The following TNIP3 variants were observed in gnomAD, a reference collection of about 807,000 sequenced individuals.
The protein encoded by TNIP3 is TNFAIP3 interacting protein 3, also known as TNFAIP3-interacting protein 3.
Under a neutral mutation model 54.1 loss-of-function variants are expected in TNIP3, and 34 were observed. The ratio of observed to expected loss-of-function variants is 0.63; its 90% CI spans 0.48 to 0.84. The LOEUF is 0.84. Among genes scored for constraint, TNIP3 ranks in the 40% least tolerant of loss-of-function variants. The probability of loss-of-function intolerance (pLI) is 0.00; values close to 1 mark genes in which losing one functional copy is unlikely to be tolerated. For missense variants in TNIP3, 366 were observed against 387.6 expected (o/e 0.94, Z 0.47); for synonymous variants, 134 against 136.8 (o/e 0.98, Z 0.14).
At chr4:121,220,887 AG>A (rs762740095), upstream of TNIP3, among the ~76,000 whole-genome samples, 3 of 152,282 alleles carry the variant, frequency 2.0e-5, no homozygotes, top group East Asian at 5.8e-4. Flanking sequence ...CGTTCAGTCA[AG>A]AGTGGGAAAA....
intron 3 of TNIP3, among the ~76,000 whole-genome samples, chr4:121,174,824 G>T (rs1253722782): frequency 6.6e-6 from 1 of 152,166 alleles, no homozygotes. Context: ...CATCTAGAAG[G>T]TGGACATGAG....
At chr4:121,192,707 A>G (rs1560683245) in intron 2 of TNIP3, 1 of 152,146 alleles carries the variant, frequency 6.6e-6, no homozygotes, top group Non-Finnish European at 1.5e-5. Flanking sequence ...AGTTCCGGAG[A>G]AGGGGTATGG....
chr4:121,218,329 A>G (rs1299176942), upstream of TNIP3, among the ~76,000 whole-genome samples: 1 of 152,180 alleles, frequency 6.6e-6, no homozygotes, highest in East Asian at 1.9e-4. Flanking sequence ...CTGGAAACAG[A>G]CAAGATGGAA....
Position 121,182,565 on chromosome 4 carries a change from G to C in TNIP3, c.189+111C>G, listed in dbSNP as rs975917987. On this transcript the variant is annotated intron_variant, in intron 3 of 12. Transcript: ENST00000507879. ...TCAGTTTATCCTCTCAGCTGACAAG[G>C]AAGTACATGACTGACGGTAAATGAC... 5 of 1,248,544 alleles carry C rather than the reference G, an allele frequency of 4.0e-6. No homozygotes were observed. In the African/African-American group the frequency reaches 6.0e-5, roughly 15 times the overall value. The allele number at this position is 1,248,544 out of a possible 1,614,324, so 77.3% of individuals were successfully genotyped here. A position where few individuals can be genotyped will look rare whatever the true frequency, so the allele number is the denominator to read the frequency against.
At chr4:121,143,731 A>G (rs1729261667) in intron 7 of TNIP3, among the ~76,000 whole-genome samples, 1 of 152,196 alleles carries the variant, frequency 6.6e-6, no homozygotes, top group South Asian at 2.1e-4. Context: ...ACTTTGTTTC[A>G]TGTGTGTTTC....
At chr4:121,157,439 C>A (rs190319321) in intron 3 of TNIP3, among the ~76,000 whole-genome samples, 196 bp from the exon 4 acceptor site, 1 of 152,130 alleles carries the variant, frequency 6.6e-6, no homozygotes, top group African/African-American at 2.4e-5. Flanking sequence ...TGCACCAAAA[C>A]AGCCTTCTTT....
chr4:121,197,853 G>T (rs1295962168), intron 2 of TNIP3, among the ~76,000 whole-genome samples: 1 of 152,166 alleles, frequency 6.6e-6, no homozygotes, highest in Non-Finnish European at 1.5e-5. Context: ...CCTTATCAGT[G>T]AGCAATGGAA....
At chr4:121,190,373 A>G (rs1286622606) in intron 2 of TNIP3, among the ~76,000 whole-genome samples, 2 of 152,182 alleles carry the variant, frequency 1.3e-5, no homozygotes, top group African/African-American at 2.4e-5. Context: ...AGAGCCTCAC[A>G]TACTTATTAA....
At chr4:121,183,071 C>A (rs185759725) in intron 2 of TNIP3, among the ~76,000 whole-genome samples, 195 of 152,296 alleles carry the variant, frequency 1.3e-3, no homozygotes, top group African/African-American at 4.5e-3. Context: ...CGAACACTCA[C>A]GGTGAGCCAG....
chr4:121,162,578 C>A (rs1057493684), intron 1 of TNIP3, among the ~76,000 whole-genome samples: 2 of 152,178 alleles, frequency 1.3e-5, no homozygotes, highest in Admixed American at 1.3e-4. Context: ...TATTAAGCAT[C>A]TTTGATCTGG....
At chr4:121,182,604 C>T (rs965107232) in intron 3 of TNIP3, 1 of 1,504,126 alleles carries the variant, frequency 6.6e-7, no homozygotes. Context: ...GGGACTGTCT[C>T]CACAAATTCT....
upstream of TNIP3, among the ~76,000 whole-genome samples, chr4:121,164,507 A>T (rs1246563770): frequency 2.6e-5 from 4 of 152,224 alleles, no homozygotes; most frequent in African/African-American, 9.6e-5. Flanking sequence ...TCTCCACCAC[A>T]GAAAGCCTGG....
intron 2 of TNIP3, among the ~76,000 whole-genome samples, chr4:121,203,029 A>T (rs1196387445): frequency 6.6e-6 from 1 of 152,156 alleles, no homozygotes. Flanking sequence ...TATTCCTTAA[A>T]GAATTAAAAG....
intron 5 of TNIP3, among the ~76,000 whole-genome samples, chr4:121,153,184 G>A (rs1028205992): frequency 6.6e-6 from 1 of 151,906 alleles, no homozygotes; most frequent in Non-Finnish European, 1.5e-5. Context: ...ATTTCGTGTA[G>A]AATTATTAAA....
chr4:121,220,196 G>A (rs1726971725), upstream of TNIP3, among the ~76,000 whole-genome samples: 1 of 152,132 alleles, frequency 6.6e-6, no homozygotes, highest in African/African-American at 2.4e-5. Flanking sequence ...TCACATAAGA[G>A]ACCTACAGGT....
upstream of TNIP3, chr4:121,164,442 T>C: frequency 1.4e-6 from 1 of 732,384 alleles, no homozygotes; most frequent in Non-Finnish European, 1.7e-6. Flanking sequence ...CTTGCTATAG[T>C]ATGTAAATCG....
At chr4:121,220,352 T>C (rs1447049351), upstream of TNIP3, among the ~76,000 whole-genome samples, 1 of 152,236 alleles carries the variant, frequency 6.6e-6, no homozygotes, top group Non-Finnish European at 1.5e-5. Flanking sequence ...TATTAGTGGT[T>C]GTCCACATGT....
chr4:121,173,051 T>C (rs1481900510), intron 3 of TNIP3, among the ~76,000 whole-genome samples: 2 of 152,172 alleles, frequency 1.3e-5, no homozygotes, highest in Non-Finnish European at 2.9e-5. Flanking sequence ...TTGCTCACAA[T>C]TATGATGTGA....
At chr4:121,174,490 T>C (rs1047189594) in intron 3 of TNIP3, among the ~76,000 whole-genome samples, 11 of 152,094 alleles carry the variant, frequency 7.2e-5, no homozygotes, top group Non-Finnish European at 1.6e-4. Context: ...GGAAAGGCTA[T>C]GGTGAGGACT....
Sources: allele counts gnomAD v4.1 joint callset (sites outside exome capture counted in the v4.1 genomes callset), GRCh38; gene constraint gnomAD v4.1.1; transcripts MANE v1.5; gene names NCBI Gene and HGNC (gene_info 2026-07-23, HGNC 2026-07-21).